MAML2: variants seen among roughly 807,000 people sequenced by gnomAD.
The protein encoded by MAML2 is mastermind like transcriptional coactivator 2.
A neutral mutation model predicts 96.1 loss-of-function variants in MAML2; 22 were observed. The observed-to-expected ratio is 0.23, with a 90% CI of 0.16 to 0.33. The LOEUF (loss-of-function observed/expected upper bound fraction) is 0.33. Ranked by LOEUF, MAML2 falls within the 10% of genes least tolerant of loss-of-function variation. The pLI is 1.00. For missense variants in MAML2, 1,367 were observed against 1,392.4 expected (o/e 0.98, Z 0.29); for synonymous variants, 561 against 521.3 (o/e 1.08, Z -1.04).
intron 2 of MAML2, among the ~76,000 whole-genome samples, chr11:95,994,274 G>A (rs1285404238): frequency 6.6e-6 from 1 of 152,132 alleles, no homozygotes; most frequent in Admixed American, 6.5e-5. Context: ...CCATCTCTGA[G>A]GTACATCCTT....
At chr11:96,154,041 A>C (rs1860971572) in intron 1 of MAML2, among the ~76,000 whole-genome samples, 1 of 152,234 alleles carries the variant, frequency 6.6e-6, no homozygotes, top group South Asian at 2.1e-4. Context: ...AACACTTTGC[A>C]AAATATGTGA....
rs150466034 is a variant in MAML2 at position 96,228,276 on chromosome 11, C to T, written c.513+113107G>A. On this transcript the variant is annotated intron_variant, in intron 1 of 4. Transcript: ENST00000524717. The stretch of plus-strand genomic sequence containing the variant: ...CATCAGCTAACTTCAATCACTCCCT[C>T]CAGCCATCACCAGGCTGGATTCTTG... Among the ~76,000 whole-genome samples the T allele has an allele frequency of 3.4e-3, 521 of 152,260 alleles. 3 individuals are homozygous for T. Among genetic ancestry groups the T allele is most frequent in the South Asian group, 0.014 (67 of 4,824 alleles).
At chr11:96,238,025 T>A (rs1020228458) in intron 1 of MAML2, among the ~76,000 whole-genome samples, 2 of 152,202 alleles carry the variant, frequency 1.3e-5, no homozygotes, top group Admixed American at 1.3e-4. Context: ...GCCACCAAAT[T>A]AGTACTTAAG....
At chr11:96,006,996 A>G (rs1858192243) in intron 2 of MAML2, among the ~76,000 whole-genome samples, 1 of 150,954 alleles carries the variant, frequency 6.6e-6, no homozygotes, top group Admixed American at 6.6e-5. Flanking sequence ...ATTTCTAGAT[A>G]TCAATCTTTT....
At chr11:96,341,121 C>T (rs902121066) in intron 1 of MAML2, among the ~76,000 whole-genome samples, 1 of 152,010 alleles carries the variant, frequency 6.6e-6, no homozygotes, top group Non-Finnish European at 1.5e-5. Flanking sequence ...AGATGTGGAC[C>T]CCAGAGAGCC....
chr11:96,335,756 C>T (rs974624304), intron 1 of MAML2, among the ~76,000 whole-genome samples: 2 of 152,174 alleles, frequency 1.3e-5, no homozygotes, highest in African/African-American at 4.8e-5. Context: ...CTGATTTGCT[C>T]TTACCGGATC....
chr11:96,029,696 C>T (rs749505408), intron 2 of MAML2, among the ~76,000 whole-genome samples: 4 of 152,264 alleles, frequency 2.6e-5, no homozygotes, highest in Non-Finnish European at 4.4e-5. Context: ...ACTGGAAACT[C>T]CCACCATTTG....
chr11:96,093,193 C>T lies in MAML2; in HGVS notation c.838G>A (p.Asp280Asn), dbSNP rs1054683770. 6.2e-7 allele frequency: 1 copy of T among 1,614,034 alleles called. No homozygotes were observed. Among genetic ancestry groups the T allele is most frequent in the Non-Finnish European group, 8.5e-7 (1 of 1,179,908 alleles). Residue 280 changes from aspartate to asparagine, a missense_variant, in exon 2 of 5, where the codon GAT (aspartate) becomes AAT (asparagine). By Grantham distance (23) the Asp-to-Asn change is conservative. Coordinates refer to ENST00000524717, the MANE Select transcript of MAML2 (RefSeq NM_032427.4). ...GETLSCSKHM[D>N]GQMTQENIFP... ...ATATTCTCTTGGGTCATTTGGCCAT[C>T]CATGTGCTTACTGCAAGACAGAGTC...
intron 2 of MAML2, among the ~76,000 whole-genome samples, chr11:96,057,630 G>A (rs1013126974): frequency 5.3e-5 from 8 of 152,070 alleles, no homozygotes; most frequent in East Asian, 1.9e-4. Context: ...ACATTATTAC[G>A]ACAAATGTTT....
chr11:96,273,114 G>T (rs897904378), intron 1 of MAML2, among the ~76,000 whole-genome samples: 7 of 151,974 alleles, frequency 4.6e-5, no homozygotes, highest in African/African-American at 1.7e-4. Flanking sequence ...ATTAAAGTTT[G>T]TTACCATGGA....
At chr11:96,140,076 T>G (rs1407816579) in intron 1 of MAML2, among the ~76,000 whole-genome samples, 1 of 152,248 alleles carries the variant, frequency 6.6e-6, no homozygotes, top group Non-Finnish European at 1.5e-5. Flanking sequence ...TCACTTTCTT[T>G]ATGTGGTTAA....
At chr11:96,085,222 AAGGGTT>A (rs942503822) in intron 2 of MAML2, among the ~76,000 whole-genome samples, 1 of 152,058 alleles carries the variant, frequency 6.6e-6, no homozygotes, top group Non-Finnish European at 1.5e-5. Context: ...CACAATGTAA[AAGGGTT>A]AAGATGATTC....
Position 96,341,778 on chromosome 11 carries a change from G to A in MAML2, c.118C>T (p.Leu40Phe), listed in dbSNP as rs1863999026. Reference sequence around the variant, plus strand: ...CGGCAGACAGCGATCCGAGCCCGGAGGCGCTCCACGATAGCACTGTGCACT... The same window carrying A: ...CGGCAGACAGCGATCCGAGCCCGGAAGCGCTCCACGATAGCACTGTGCACT... ...PRVHSAIVER[L>F]RARIAVCRQH... Residue 40 changes from leucine to phenylalanine, a missense_variant, in exon 1 of 5, where the codon CTC (leucine) becomes TTC (phenylalanine). Leu to Phe is a conservative substitution (Grantham distance 22). Transcript: ENST00000524717. 1 of 1,611,072 alleles carries A rather than the reference G, an allele frequency of 6.2e-7. No individual in the cohort carries two copies. The highest frequency in any genetic ancestry group is 8.5e-7 in the Non-Finnish European group (1 of 1,179,418).
chr11:96,175,382 T>C (rs1458550122), intron 1 of MAML2, among the ~76,000 whole-genome samples: 1 of 152,162 alleles, frequency 6.6e-6, no homozygotes, highest in Non-Finnish European at 1.5e-5. Flanking sequence ...TTGTATGATG[T>C]GCAAAGCAAA....
chr11:96,178,005 C>A (rs1464988119), intron 1 of MAML2, among the ~76,000 whole-genome samples: 1 of 145,366 alleles, frequency 6.9e-6, no homozygotes, highest in Non-Finnish European at 1.5e-5. Flanking sequence ...CTGATGAGAT[C>A]TACAATTTTG....
At chr11:96,141,022 T>C (rs967115421) in intron 1 of MAML2, among the ~76,000 whole-genome samples, 1 of 152,202 alleles carries the variant, frequency 6.6e-6, no homozygotes, top group East Asian at 1.9e-4. Context: ...TTTCTTAGCA[T>C]AAGTATGTCT....
chr11:96,070,006 GA>G (rs1160784868), intron 2 of MAML2, among the ~76,000 whole-genome samples: 1 of 150,988 alleles, frequency 6.6e-6, no homozygotes, highest in Non-Finnish European at 1.5e-5. Flanking sequence ...CCTGGTGACA[GA>G]GTGAGACTCT....
Position 96,093,313 on chromosome 11 carries a change from G to T in MAML2, c.718C>A (p.Leu240Met), listed in dbSNP as rs755954282. 6.2e-7 allele frequency: 1 copy of T among 1,613,878 alleles called. No homozygotes were observed. Among genetic ancestry groups the T allele is most frequent in the African/African-American group, 1.3e-5 (1 of 74,922 alleles). Residue 240 changes from leucine to methionine, a missense_variant, in exon 2 of 5, where the codon CTG becomes ATG. Transcript: ENST00000524717. ...SGTLPMSQAP[L>M]RKTNTLPSHT... ...GATGGCAGAGTGTTAGTCTTTCGCA[G>T]GGGTGCTTGGCTCATAGGCAAGGTC...
At chr11:95,985,184 A>G (rs767983014) in intron 4 of MAML2, among the ~76,000 whole-genome samples, 1 of 152,220 alleles carries the variant, frequency 6.6e-6, no homozygotes, top group Non-Finnish European at 1.5e-5. Context: ...AAAGTTACAC[A>G]TGTGCCTGTC....
Sources: allele counts gnomAD v4.1 joint callset (sites outside exome capture counted in the v4.1 genomes callset), GRCh38; gene constraint gnomAD v4.1.1; transcripts MANE v1.5; gene names NCBI Gene and HGNC (gene_info 2026-07-23, HGNC 2026-07-21).